The following LRRC7 variants were observed in gnomAD, a reference collection of about 807,000 sequenced individuals.
LRRC7 encodes the protein leucine rich repeat containing 7.
A neutral mutation model predicts 175.7 loss-of-function variants in LRRC7; 23 were observed. The ratio of observed to expected loss-of-function variants is 0.13; its 90% CI spans 0.09 to 0.19. LRRC7 has a LOEUF of 0.19. LRRC7 is among the 10% of genes least tolerant of loss of function. The pLI is 1.00. For missense variants in LRRC7, 1,354 were observed against 1,904.7 expected, an observed-to-expected ratio of 0.71 and a Z score of 5.38; for synonymous variants, 685 against 680.9, an observed-to-expected ratio of 1.01 and a Z score of -0.09.
intron 5 of LRRC7, among the ~76,000 whole-genome samples, chr1:69,827,941 T>A (rs1680113579): frequency 6.6e-6 from 1 of 152,170 alleles, no homozygotes; most frequent in Non-Finnish European, 1.5e-5. Context: ...GACTATTGCA[T>A]CATCTCAAAG....
intron 11 of LRRC7, among the ~76,000 whole-genome samples, chr1:70,008,491 A>G (rs887032419): frequency 6.6e-6 from 1 of 152,142 alleles, no homozygotes; most frequent in Non-Finnish European, 1.5e-5. Flanking sequence ...TTTAAATTGT[A>G]TGTTTCATGT....
intron 1 of LRRC7, among the ~76,000 whole-genome samples, chr1:69,603,975 T>C (rs1647197602): frequency 6.6e-6 from 1 of 152,088 alleles, no homozygotes. Flanking sequence ...AAAAAATAAG[T>C]GAATAATTCT....
chr1:69,891,029 T>A (rs892646973), intron 7 of LRRC7, among the ~76,000 whole-genome samples: 1 of 152,264 alleles, frequency 6.6e-6, no homozygotes, highest in African/African-American at 2.4e-5. Flanking sequence ...CCTGTTTCAC[T>A]TTCTTATCAT....
In LRRC7 at chr1:70,101,216, A is replaced by G. The variant is rs543585525; in HGVS notation, c.4546-6536A>G. ...TCATGAGTCAGTTTTGCCTCTAGAA[A>G]CACTCTTTGAACTTCCATAGTTATA... On this transcript the variant is annotated intron_variant, in intron 25 of 26. Transcript: ENST00000651989. 8.2e-4 allele frequency among the ~76,000 whole-genome samples: 125 copies of G among 152,244 alleles called. 1 individual carries two copies. In the South Asian group the frequency reaches 0.013, roughly 16 times the overall value.
chr1:69,600,888 T>G (rs1449448825), intron 1 of LRRC7, among the ~76,000 whole-genome samples: 4 of 130,240 alleles, frequency 3.1e-5, no homozygotes, highest in Non-Finnish European at 6.3e-5. Flanking sequence ...CTCGGCTCAC[T>G]CCAACCTCTG....
chr1:69,882,416 T>C (rs1401491500), intron 7 of LRRC7, among the ~76,000 whole-genome samples: 2 of 152,160 alleles, frequency 1.3e-5, no homozygotes, highest in African/African-American at 2.4e-5. Flanking sequence ...CCCATGTTCA[T>C]TGCAGGATTA....
chr1:69,774,447 C>A (rs1672587879), intron 3 of LRRC7, among the ~76,000 whole-genome samples: 1 of 152,036 alleles, frequency 6.6e-6, no homozygotes. Flanking sequence ...ATGAACAAAT[C>A]TAGAAATCTA....
intron 1 of LRRC7, among the ~76,000 whole-genome samples, chr1:69,644,970 T>G (rs1316272166): frequency 6.6e-6 from 1 of 151,960 alleles, no homozygotes; most frequent in Non-Finnish European, 1.5e-5. Context: ...AGAAAAAAAT[T>G]TCCTCCATTT....
intron 26 of LRRC7, among the ~76,000 whole-genome samples, chr1:70,116,807 A>G (rs1372386997): frequency 1.3e-5 from 2 of 152,156 alleles, no homozygotes; most frequent in African/African-American, 4.8e-5. Flanking sequence ...ATATATCCCA[A>G]TACTTAATGA....
At chr1:70,070,024 C>A (rs1662263653) in intron 23 of LRRC7, among the ~76,000 whole-genome samples, 1 of 151,956 alleles carries the variant, frequency 6.6e-6, no homozygotes. Flanking sequence ...GACATGGTCT[C>A]ACTCTGTCTT....
chr1:69,684,461 G>T (rs1660876739), intron 2 of LRRC7, among the ~76,000 whole-genome samples: 2 of 152,092 alleles, frequency 1.3e-5, no homozygotes, highest in South Asian at 4.1e-4. Context: ...GGTGAAAGAA[G>T]GGGAGGGAAG....
intron 25 of LRRC7, among the ~76,000 whole-genome samples, chr1:70,107,406 A>G (rs2102212958): frequency 6.6e-6 from 1 of 152,340 alleles, no homozygotes; most frequent in Non-Finnish European, 1.5e-5. Context: ...ATAGTTAAGT[A>G]GAATAACTGA....
chr1:69,796,046 G>A (rs1319632087), intron 4 of LRRC7, among the ~76,000 whole-genome samples: 4 of 150,258 alleles, frequency 2.7e-5, no homozygotes, highest in Admixed American at 6.6e-5. Context: ...GTGCCATGTT[G>A]GTGTGCTGCA....
intron 8 of LRRC7, among the ~76,000 whole-genome samples, chr1:69,957,075 CAT>C (rs970398121): frequency 6.6e-6 from 1 of 151,496 alleles, no homozygotes; most frequent in African/African-American, 2.4e-5. Context: ...TTTCATTTAA[CAT>C]ATATTTATTA....
chr1:69,975,771 C>G (rs1486972803), intron 8 of LRRC7, among the ~76,000 whole-genome samples: 2 of 152,204 alleles, frequency 1.3e-5, no homozygotes, highest in Non-Finnish European at 2.9e-5. Context: ...AACTTACACC[C>G]ATACCATCCC....
chr1:69,872,696 C>T (rs922494088), intron 7 of LRRC7, among the ~76,000 whole-genome samples: 2 of 151,872 alleles, frequency 1.3e-5, no homozygotes, highest in African/African-American at 4.8e-5. Context: ...CATGGAGATG[C>T]CTGGCAAAAG....
At chr1:69,854,902 T>TG (rs1319919325) in intron 7 of LRRC7, among the ~76,000 whole-genome samples, 1 of 152,000 alleles carries the variant, frequency 6.6e-6, no homozygotes, top group Non-Finnish European at 1.5e-5. Flanking sequence ...CATGGCGAAG[T>TG]GGGGGGGACC....
intron 4 of LRRC7, among the ~76,000 whole-genome samples, chr1:69,799,146 C>T (rs1435103888): frequency 1.3e-5 from 2 of 149,614 alleles, no homozygotes; most frequent in Non-Finnish European, 3.0e-5. Flanking sequence ...ATATTGTCTC[C>T]CAATTTGTGG....
At chr1:69,794,562 A>G (rs1675497762) in intron 4 of LRRC7, among the ~76,000 whole-genome samples, 1 of 152,222 alleles carries the variant, frequency 6.6e-6, no homozygotes, top group South Asian at 2.1e-4. Context: ...TTATTTATAT[A>G]CATTCACACT....
Sources: gnomAD v4.1 joint callset for allele counts (sites outside exome capture counted in the v4.1 genomes callset) on GRCh38, gnomAD v4.1.1 for gene constraint, MANE v1.5 for transcripts, NCBI Gene and HGNC (gene_info 2026-07-23, HGNC 2026-07-21) for gene names.